Variants in FOXJ1 observed in about 807,000 individuals in gnomAD.
FOXJ1 encodes the protein forkhead box protein J1.
In FOXJ1, 8 loss-of-function variants were observed where a neutral mutation model predicts 29.3. The observed-to-expected ratio is 0.27, with a 90% CI of 0.16 to 0.49. The LOEUF (loss-of-function observed/expected upper bound fraction) is 0.49. FOXJ1 is among the 20% of genes least tolerant of loss of function. The probability of loss-of-function intolerance (pLI) is 0.98; values close to 1 mark genes in which losing one functional copy is unlikely to be tolerated. For synonymous variants in FOXJ1, 280 were observed against 278.7 expected (o/e 1.00, Z -0.05); for missense variants, 539 against 595.5 (o/e 0.91, Z 0.99).
In FOXJ1 at chr17:76,137,444, C is replaced by T. The variant is rs1306067027; in HGVS notation, c.1175G>A (p.Gly392Asp). 2 of 1,550,892 alleles carry T rather than the reference C, an allele frequency of 1.3e-6. No individual in the cohort carries two copies. The highest frequency in any genetic ancestry group is 1.2e-5 in the South Asian group (1 of 84,606). Reference sequence around the variant, plus strand: ...AAAGAGGGGCTCCGGGGGCAGGCAGCCACTGCCGCTCTCGTCCCAGGGGTG... The same window carrying T: ...AAAGAGGGGCTCCGGGGGCAGGCAGTCACTGCCGCTCTCGTCCCAGGGGTG... ...LQHPWDESGS[G>D]CLPPEPLFEA... Residue 392 changes from glycine to aspartate, a missense_variant, in exon 3 of 3, where the codon GGC becomes GAC. Transcript: ENST00000322957. This position sits in a 1 kb window ranked among gnomAD's most constrained non-coding sequence, Gnocchi z 9.5.
In FOXJ1 at chr17:76,137,859, A is replaced by G; in HGVS notation, c.760T>C (p.Phe254Leu). Residue 254 changes from phenylalanine (F) to leucine (L), a missense_variant, in exon 3 of 3, where the codon TTC becomes CTC. Physicochemically the swap from Phe to Leu is conservative, Grantham distance 22. This residue lies in a region of FOXJ1 where 302 missense variants were observed against 293.6 expected (regional missense o/e 1.03). Coordinates refer to ENST00000322957, the MANE Select transcript of FOXJ1 (RefSeq NM_001454.4). The surrounding 1 kb of genome is among the most constrained non-coding windows in gnomAD (Gnocchi z 9.5). ...CCCGCCTCCCCGGTGGCCTCCTCGA[A>G]CTCCCGCAGCAGCTGCTGGGCCTCG... ...NTEAQQLLRE[F>L]EEATGEAGWG... 1 of 1,587,536 alleles carries G rather than the reference A, an allele frequency of 6.3e-7. No individual in the cohort carries two copies. Among genetic ancestry groups the G allele is most frequent in the South Asian group, 1.1e-5 (1 of 88,524 alleles).
At chr17:76,138,537 A>G (rs1202853192) in intron 2 of FOXJ1, among the ~76,000 whole-genome samples, 1 of 151,864 alleles carries the variant, frequency 6.6e-6, no homozygotes, top group Non-Finnish European at 1.5e-5. Flanking sequence ...GAGTGGGTCC[A>G]GGGAGGGGGC....
In FOXJ1 at chr17:76,138,149, AG is replaced by A. The variant is rs572704653; in HGVS notation, c.499-30del. On this transcript the variant is annotated intron_variant, in intron 2 of 2. Coordinates refer to ENST00000322957, the MANE Select transcript of FOXJ1 (RefSeq NM_001454.4). ...GGTGCAGGGAGAGAGCAAGAGAGAGAGGAACCGCTAGGTCAGTGGGGACGGG... is the reference window on the plus strand; with the variant it reads ...GGTGCAGGGAGAGAGCAAGAGAGAGAGAACCGCTAGGTCAGTGGGGACGGG... 167 of 1,610,970 alleles carry A rather than the reference AG, an allele frequency of 1.0e-4. 1 individual carries two copies. In the African/African-American group the frequency reaches 1.2e-3, roughly 12 times the overall value.
chr17:76,137,971 G>T lies in FOXJ1; in HGVS notation c.648C>A (p.Pro216=). The T allele has an allele frequency of 6.3e-7, 1 of 1,599,544 alleles. No homozygotes were observed. The highest frequency in any genetic ancestry group is 8.5e-7 in the Non-Finnish European group (1 of 1,173,198). ...LSGAFKKRRL[P]PVHIHPAFAR... Reference sequence around the variant, plus strand: ...CAAAGGCTGGGTGGATGTGGACAGGGGGCAGTCGCCGCTTCTTGAAAGCGC... The same window carrying T: ...CAAAGGCTGGGTGGATGTGGACAGGTGGCAGTCGCCGCTTCTTGAAAGCGC... Residue 216 remains proline, a synonymous_variant, in exon 3 of 3, where the codon CCC becomes CCA. Coordinates refer to ENST00000322957, the MANE Select transcript of FOXJ1 (RefSeq NM_001454.4). This position sits in a 1 kb window ranked among gnomAD's most constrained non-coding sequence, Gnocchi z 9.5.
chr17:76,137,190 A>G lies in FOXJ1; in HGVS notation c.*163T>C. 1 of 590,664 alleles carries G rather than the reference A, an allele frequency of 1.7e-6. No homozygotes were observed. Among genetic ancestry groups the G allele is most frequent in the Non-Finnish European group, 2.7e-6 (1 of 369,874 alleles). 36.6% of individuals were successfully genotyped at this position (590,664 alleles called of 1,614,324 possible). On this transcript the variant is annotated 3_prime_UTR_variant, in exon 3 of 3. Coordinates refer to ENST00000322957, the MANE Select transcript of FOXJ1 (RefSeq NM_001454.4). This position sits in a 1 kb window ranked among gnomAD's most constrained non-coding sequence, Gnocchi z 9.5. ...CTCGTTTTCAGCCTCCTGGGCTTGA[A>G]TCTGATGGCAGCTGGGGCTGGTGGC...
At position 76,137,304 on chromosome 17, in the gene FOXJ1, C is replaced by T. The variant is rs3192448; in HGVS notation, c.*49G>A. 1 of 1,422,314 alleles carries T rather than the reference C, an allele frequency of 7.0e-7. No individual in the cohort carries two copies. The highest frequency in any genetic ancestry group is 9.2e-7 in the Non-Finnish European group (1 of 1,087,900). The allele number at this position is 1,422,314 out of a possible 1,614,324, so 88.1% of individuals were successfully genotyped here. ...TGTGGACCTGTGTTGGGGGGCAGTT[C>T]TGGACCCTGACTTGGGCACTGTCCA... On this transcript the variant is annotated 3_prime_UTR_variant, in exon 3 of 3. Transcript: ENST00000322957. This position sits in a 1 kb window ranked among gnomAD's most constrained non-coding sequence, Gnocchi z 9.5.
In FOXJ1 at chr17:76,141,030, C is replaced by T. The variant is rs2068515522; in HGVS notation, c.-170+84G>A. 2 of 152,452 alleles carry T rather than the reference C, an allele frequency of 1.3e-5. No homozygotes were observed. Among genetic ancestry groups the T allele is most frequent in the Admixed American group, 6.5e-5 (1 of 15,288 alleles). 9.4% of individuals were successfully genotyped at this position (152,452 alleles called of 1,614,324 possible). On this transcript the variant is annotated intron_variant, in intron 1 of 2. Coordinates refer to ENST00000322957, the MANE Select transcript of FOXJ1 (RefSeq NM_001454.4). The surrounding 1 kb of genome is among the most constrained non-coding windows in gnomAD (Gnocchi z 4.2). Reference sequence around the variant, plus strand: ...CTCCGATGTCAGTCCCTGGGCCCACCACTTCCGTTAAGGACGAATGAGAGA... The same window carrying T: ...CTCCGATGTCAGTCCCTGGGCCCACTACTTCCGTTAAGGACGAATGAGAGA...
chr17:76,138,194 G>A (rs1231423929), intron 2 of FOXJ1, 74 bp from the exon 3 acceptor site: 27 of 1,473,408 alleles, frequency 1.8e-5, no homozygotes, highest in Non-Finnish European at 2.3e-5. Context: ...ATGGCACCTG[G>A]CGCTGCTGCG....
At position 76,140,421 on chromosome 17, in the gene FOXJ1, G is replaced by T; in HGVS notation, c.-26C>A. On this transcript the variant is annotated 5_prime_UTR_variant, in exon 2 of 3. Coordinates refer to ENST00000322957, the MANE Select transcript of FOXJ1 (RefSeq NM_001454.4). This position sits in a 1 kb window ranked among gnomAD's most constrained non-coding sequence, Gnocchi z 8.0. ...GTCTGCGGGGACTCTCCGAGGGGGC[G>T]GTCAGCATCCACGGGCTGAGCCGGG... The T allele has an allele frequency of 2.8e-6, 4 of 1,410,528 alleles. No individual in the cohort carries two copies. Among genetic ancestry groups the T allele is most frequent in the Non-Finnish European group, 3.7e-6 (4 of 1,092,584 alleles). The allele number at this position is 1,410,528 out of a possible 1,614,324, so 87.4% of individuals were successfully genotyped here.
rs1265132451 is a variant in FOXJ1 at position 76,141,138 on chromosome 17, A to C, written c.-194T>G. 1 of 152,186 alleles carries C rather than the reference A, an allele frequency of 6.6e-6. No homozygotes were observed. Among genetic ancestry groups the C allele is most frequent in the East Asian group, 1.9e-4 (1 of 5,174 alleles). The allele number at this position is 152,186 out of a possible 1,614,324, so 9.4% of individuals were successfully genotyped here. On this transcript the variant is annotated 5_prime_UTR_variant, in exon 1 of 3. Transcript: ENST00000322957. This position sits in a 1 kb window ranked among gnomAD's most constrained non-coding sequence, Gnocchi z 4.2. ...CCTGGCTCAGAGCGCAGCCCGGGCCAGAGGAAGGTTCTGGAAGAAGTTGCT... is the reference window on the plus strand; with the variant it reads ...CCTGGCTCAGAGCGCAGCCCGGGCCCGAGGAAGGTTCTGGAAGAAGTTGCT...
In FOXJ1 at chr17:76,140,245, C is replaced by A; in HGVS notation, c.151G>T (p.Ala51Ser). 1.4e-6 allele frequency: 2 copies of A among 1,464,924 alleles called. No homozygotes were observed. The highest frequency in any genetic ancestry group is 2.6e-5 in the East Asian group (1 of 38,006). The allele number at this position is 1,464,924 out of a possible 1,614,324, so 90.7% of individuals were successfully genotyped here. Reference sequence around the variant, plus strand: ...GGGTCGGTGCCCCCCGGGGGCAGGGCGGGGGCCTTGGCGTTGAGAATGGAG... The same window carrying A: ...GGGTCGGTGCCCCCCGGGGGCAGGGAGGGGGCCTTGGCGTTGAGAATGGAG... ...EFSILNAKAP[A>S]LPPGGTDPHG... Residue 51 changes from alanine (A) to serine (S), a missense_variant, in exon 2 of 3, where the codon GCC becomes TCC. Ala to Ser is a moderately conservative substitution (Grantham distance 99). Coordinates refer to ENST00000322957, the MANE Select transcript of FOXJ1 (RefSeq NM_001454.4). The surrounding 1 kb of genome is among the most constrained non-coding windows in gnomAD (Gnocchi z 8.0).
chr17:76,139,226 ACCT>A lies in FOXJ1; in HGVS notation c.498+669_498+671del, dbSNP rs1221364746. 6.6e-6 allele frequency among the ~76,000 whole-genome samples: 1 copy of A among 152,124 alleles called. No individual in the cohort carries two copies. The highest frequency in any genetic ancestry group is 1.5e-5 in the Non-Finnish European group (1 of 68,018). ...GGTAGGCAGAGCCCCAGTGGAAGGC[ACCT>A]GGCTCAGGTAATTGTCCCCCCAGGG... On this transcript the variant is annotated intron_variant, in intron 2 of 2. Transcript: ENST00000322957. The surrounding 1 kb of genome is among the most constrained non-coding windows in gnomAD (Gnocchi z 6.6).
Position 76,138,022 on chromosome 17 carries a change from G to C in FOXJ1, c.597C>G (p.Pro199=). ...PGKGGFWRID[P]QYAERLLSGA... ...CGCTCAGTAGCCGCTCCGCGTACTG[G>C]GGGTCAATGCGCCAGAAGCCCCCCT... The change falls in exon 3 of 3, where the codon CCC becomes CCG. Residue 199 remains proline, a synonymous_variant. Transcript: ENST00000322957. 1 of 1,613,806 alleles carries C rather than the reference G, an allele frequency of 6.2e-7. No individual in the cohort carries two copies. The highest frequency in any genetic ancestry group is 8.5e-7 in the Non-Finnish European group (1 of 1,179,962).
chr17:76,140,654 A>C lies in FOXJ1; in HGVS notation c.-169-90T>G, dbSNP rs1274633947. The C allele has an allele frequency of 1.1e-5, 5 of 435,870 alleles. No individual in the cohort carries two copies. The highest frequency in any genetic ancestry group is 1.0e-4 in the African/African-American group (5 of 48,322). 27.0% of individuals were successfully genotyped at this position (435,870 alleles called of 1,614,324 possible). Reference sequence around the variant, plus strand: ...ACGCCCTCTCTAACATCATCCCCGCAGCTGGGGAGGATCTTTTAGTGCCGA... The same window carrying C: ...ACGCCCTCTCTAACATCATCCCCGCCGCTGGGGAGGATCTTTTAGTGCCGA... On this transcript the variant is annotated intron_variant, in intron 1 of 2. Coordinates refer to ENST00000322957, the MANE Select transcript of FOXJ1 (RefSeq NM_001454.4). The surrounding 1 kb of genome is among the most constrained non-coding windows in gnomAD (Gnocchi z 8.0).
rs1234611296 is a variant in FOXJ1 at position 76,137,074 on chromosome 17, G to T, written c.*279C>A. On this transcript the variant is annotated 3_prime_UTR_variant, in exon 3 of 3. Coordinates refer to ENST00000322957, the MANE Select transcript of FOXJ1 (RefSeq NM_001454.4). This position sits in a 1 kb window ranked among gnomAD's most constrained non-coding sequence, Gnocchi z 9.5. ...TCTCATGGTGCAGGGTCCTTTAGCC[G>T]GTTTCTGGGGCTGGGAAGACGCGGA... is the stretch of plus-strand genomic sequence containing the variant. 5.8e-6 allele frequency: 2 copies of T among 345,438 alleles called. No homozygotes were observed. Among genetic ancestry groups the T allele is most frequent in the African/African-American group, 2.1e-5 (1 of 47,308 alleles). 21.4% of individuals were successfully genotyped at this position (345,438 alleles called of 1,614,324 possible). A position where few individuals can be genotyped will look rare whatever the true frequency, so the allele number is the denominator to read the frequency against.
Position 76,137,763 on chromosome 17 carries a change from G to A in FOXJ1, c.856C>T (p.Pro286Ser). 6 of 1,609,724 alleles carry A rather than the reference G, an allele frequency of 3.7e-6. No homozygotes were observed. The highest frequency in any genetic ancestry group is 5.1e-6 in the Non-Finnish European group (6 of 1,178,126). The change falls in exon 3 of 3, where the codon CCG becomes TCG. Residue 286 changes from proline (P) to serine (S), a missense_variant. Transcript: ENST00000322957. The surrounding 1 kb of genome is among the most constrained non-coding windows in gnomAD (Gnocchi z 9.5). The stretch of plus-strand genomic sequence containing the variant: ...GGCAGCAGGGTGCTGGGGGGCCGCG[G>A]GACCTTGGCCACCCGCTTGGGCAGC... Reference protein sequence around the residue: ...QPLPKRVAKVPRPPSTLLPTP... With the variant: ...QPLPKRVAKVSRPPSTLLPTP...
At position 76,137,124 on chromosome 17, in the gene FOXJ1, G is replaced by T. The variant is rs1427485524; in HGVS notation, c.*229C>A. The T allele has an allele frequency of 2.2e-6, 1 of 457,904 alleles. No individual in the cohort carries two copies. The highest frequency in any genetic ancestry group is 3.8e-5 in the Admixed American group (1 of 26,090). The allele number at this position is 457,904 out of a possible 1,614,324, so 28.4% of individuals were successfully genotyped here. ...AGCAATGAAACACTGTGTGTACAAG[G>T]TGGGGCTGGGGAGAGGAGGCAGCGA... On this transcript the variant is annotated 3_prime_UTR_variant, in exon 3 of 3. Transcript: ENST00000322957. This position sits in a 1 kb window ranked among gnomAD's most constrained non-coding sequence, Gnocchi z 9.5.
Position 76,140,497 on chromosome 17 carries a change from C to G in FOXJ1, c.-102G>C. 1 of 1,074,424 alleles carries G rather than the reference C, an allele frequency of 9.3e-7. No individual in the cohort carries two copies. The highest frequency in any genetic ancestry group is 1.2e-6 in the Non-Finnish European group (1 of 809,380). 66.6% of individuals were successfully genotyped at this position (1,074,424 alleles called of 1,614,324 possible). ...GCTGAGTCCCGCAGCTCCCGTTACA[C>G]GGCCTCCCGGACGCGCGCTTCCATC... is the stretch of plus-strand genomic sequence containing the variant. On this transcript the variant is annotated 5_prime_UTR_variant, in exon 2 of 3. Transcript: ENST00000322957. The surrounding 1 kb of genome is among the most constrained non-coding windows in gnomAD (Gnocchi z 8.0).
chr17:76,137,270 T>C lies in FOXJ1; in HGVS notation c.*83A>G, dbSNP rs149191551. 160 of 1,215,414 alleles carry C rather than the reference T, an allele frequency of 1.3e-4. 2 individuals are homozygous for C. The East Asian group carries it at 4.5e-3, about 34-fold the overall frequency. The allele number at this position is 1,215,414 out of a possible 1,614,324, so 75.3% of individuals were successfully genotyped here. On this transcript the variant is annotated 3_prime_UTR_variant, in exon 3 of 3. Coordinates refer to ENST00000322957, the MANE Select transcript of FOXJ1 (RefSeq NM_001454.4). The surrounding 1 kb of genome is among the most constrained non-coding windows in gnomAD (Gnocchi z 9.5). ...CCTGGCCCAGCCCCTGCCTAGGTGG[T>C]GGGGTGTCTGTGGACCTGTGTTGGG...
Sources: gnomAD v4.1 joint callset for allele counts (sites outside exome capture counted in the v4.1 genomes callset) on GRCh38, gnomAD v4.1.1 for gene constraint, gnomAD v4.1.1 regional missense constraint, Gnocchi (gnomAD v3.1) non-coding constraint, MANE v1.5 for transcripts, NCBI Gene and HGNC (gene_info 2026-07-23, HGNC 2026-07-21) for gene names.